The following OPHN1 variants were observed in gnomAD, a reference collection of about 807,000 sequenced individuals.
OPHN1 encodes the protein oligophrenin-1.
In OPHN1, 11 loss-of-function variants were observed where a neutral mutation model predicts 60.7. The ratio of observed to expected loss-of-function variants is 0.18; its 90% confidence interval spans 0.11 to 0.30. The LOEUF (loss-of-function observed/expected upper bound fraction) is 0.30. OPHN1 is among the 10% of genes least tolerant of loss of function. The pLI, the probability that OPHN1 is intolerant of heterozygous loss-of-function variation, is 1.00. For synonymous variants in OPHN1, 226 were observed against 222.6 expected (o/e 1.02, Z -0.14); for missense variants, 449 against 611.0 (o/e 0.73, Z 2.80).
At chrX:68,181,015 A>G (rs1435019396) in intron 15 of OPHN1, among the ~76,000 whole-genome samples, 1 of 111,109 alleles carries the variant, frequency 9.0e-6, no homozygotes, top group Non-Finnish European at 1.9e-5. Context: ...AGTTTGTCCA[A>G]TCTCAATCAT....
intron 15 of OPHN1, chrX:68,132,964 C>G (rs1311136897): frequency 2.2e-6 from 1 of 451,541 alleles, no homozygotes; most frequent in African/African-American, 2.4e-5. Flanking sequence ...CTCTGCCCAG[C>G]CCCACTCCGG....
chrX:68,070,629 T>C (rs2076930042), intron 20 of OPHN1: 3 of 733,321 alleles, frequency 4.1e-6, no homozygotes, highest in African/African-American at 2.1e-5. Flanking sequence ...TGTGTTCCAT[T>C]TGGCACAGCA....
At chrX:68,110,873 G>A (rs186947456) in intron 18 of OPHN1, among the ~76,000 whole-genome samples, 3 of 111,521 alleles carry the variant, frequency 2.7e-5, no homozygotes, top group Non-Finnish European at 5.6e-5. Flanking sequence ...ATCAGATCTT[G>A]GAGATCTCAC....
chrX:68,258,243 C>A (rs1438894646), intron 5 of OPHN1, among the ~76,000 whole-genome samples: 1 of 110,351 alleles, frequency 9.1e-6, no homozygotes, highest in Non-Finnish European at 1.9e-5. Context: ...GGCCATTATT[C>A]TTTTATTTAT....
At chrX:68,057,876 C>A (rs763395196) in intron 21 of OPHN1, among the ~76,000 whole-genome samples, 53 of 111,802 alleles carry the variant, frequency 4.7e-4, no homozygotes, top group African/African-American at 1.6e-3. Context: ...TGACCTTCAG[C>A]GGATCATTTC....
At chrX:68,124,994 T>A (rs2077164270) in intron 15 of OPHN1, among the ~76,000 whole-genome samples, 1 of 111,300 alleles carries the variant, frequency 9.0e-6, no homozygotes, top group Non-Finnish European at 1.9e-5. Context: ...TAATATCAAG[T>A]ATCTTCTCTG....
intron 15 of OPHN1, among the ~76,000 whole-genome samples, chrX:68,126,197 G>A (rs2077171145): frequency 9.2e-6 from 1 of 108,448 alleles, no homozygotes; most frequent in South Asian, 4.1e-4. Flanking sequence ...ATCCCTTCAG[G>A]ATAAAAACCC....
intron 4 of OPHN1, among the ~76,000 whole-genome samples, chrX:68,282,069 C>CA (rs754279873): frequency 8.9e-6 from 1 of 112,200 alleles, no homozygotes; most frequent in African/African-American, 3.2e-5. Context: ...CCAGCAATTA[C>CA]ACTCCTTATT....
At position 68,246,205 on chromosome X, in the gene OPHN1, C is replaced by G. The variant is rs146890990; in HGVS notation, c.385-11617G>C. Among the ~76,000 whole-genome samples the G allele has an allele frequency of 1.2e-3, 134 of 112,091 alleles. 1 individual carries two copies. In the East Asian group the frequency reaches 0.035, roughly 30 times the overall value. On this transcript the variant is annotated intron_variant, in intron 5 of 24. Coordinates refer to ENST00000355520, the MANE Select transcript of OPHN1 (RefSeq NM_002547.3). The stretch of plus-strand genomic sequence containing the variant: ...AAAACCATCCTGAGGTACCATACCT[C>G]CGTTTTAAAATAATGTCAACTCTTG...
intron 15 of OPHN1, among the ~76,000 whole-genome samples, chrX:68,187,026 AGTGAGAAC>A (rs1429817818): frequency 8.9e-6 from 1 of 112,087 alleles, no homozygotes; most frequent in African/African-American, 3.2e-5. Flanking sequence ...TGAGGAAGTA[AGTGAGAAC>A]GTCACAATGA....
At chrX:68,172,018 G>T (rs1423225316) in intron 15 of OPHN1, among the ~76,000 whole-genome samples, 1 of 110,979 alleles carries the variant, frequency 9.0e-6, no homozygotes, top group Non-Finnish European at 1.9e-5. Context: ...TGCATTACTG[G>T]CAGGAATGTA....
At chrX:68,404,788 C>G (rs1010929543) in intron 2 of OPHN1, among the ~76,000 whole-genome samples, 7 of 111,814 alleles carry the variant, frequency 6.3e-5, no homozygotes, top group African/African-American at 1.3e-4. Context: ...CGTGAAAGAA[C>G]TCTGAGAATG....
chrX:68,373,472 T>C (rs1470636619), intron 2 of OPHN1, among the ~76,000 whole-genome samples: 3 of 111,413 alleles, frequency 2.7e-5, no homozygotes, highest in Non-Finnish European at 5.6e-5. Context: ...CTTGCCTTTA[T>C]TGAACTGACT....
At chrX:68,230,362 C>T (rs144073333) in intron 6 of OPHN1, among the ~76,000 whole-genome samples, 3,163 of 111,294 alleles carry the variant, frequency 0.028, 110 homozygotes, top group African/African-American at 0.098. Context: ...GTGGTGATTC[C>T]TCAAGGATCT....
chrX:68,404,566 C>G (rs769875105), intron 2 of OPHN1, among the ~76,000 whole-genome samples: 6 of 111,649 alleles, frequency 5.4e-5, no homozygotes, highest in Non-Finnish European at 1.1e-4. Context: ...CTTATGTACT[C>G]TGCAGGATTA....
At chrX:68,139,015 C>A (rs963669908) in intron 15 of OPHN1, among the ~76,000 whole-genome samples, 2 of 111,795 alleles carry the variant, frequency 1.8e-5, no homozygotes, top group African/African-American at 6.5e-5. Flanking sequence ...ACTGATTAAG[C>A]GTCTAGATCA....
chrX:68,354,800 G>T (rs2078432525), intron 2 of OPHN1, among the ~76,000 whole-genome samples: 1 of 108,932 alleles, frequency 9.2e-6, no homozygotes, highest in Admixed American at 9.9e-5. Context: ...GAGATAGAAA[G>T]AACACTGAGT....
At chrX:68,412,849 C>A (rs1018939150) in intron 2 of OPHN1, among the ~76,000 whole-genome samples, 1 of 111,432 alleles carries the variant, frequency 9.0e-6, no homozygotes, top group African/African-American at 3.3e-5. Context: ...GGGAAGAATG[C>A]GACTAAATAT....
intron 16 of OPHN1, among the ~76,000 whole-genome samples, chrX:68,115,874 A>G (rs1296727037): frequency 8.9e-6 from 1 of 112,125 alleles, no homozygotes; most frequent in African/African-American, 3.2e-5. Flanking sequence ...CTTGTGCCCA[A>G]GGTGGTCAGG....
Sources: allele counts gnomAD v4.1 joint callset (sites outside exome capture counted in the v4.1 genomes callset), GRCh38; gene constraint gnomAD v4.1.1; transcripts MANE v1.5; gene names NCBI Gene and HGNC (gene_info 2026-07-23, HGNC 2026-07-21).